SLC9A3: variants seen among roughly 807,000 people sequenced by gnomAD.
SLC9A3 encodes solute carrier family 9 member A3.
SLC9A3 carries 37 observed loss-of-function variants against 86.8 expected under a neutral mutation model. That is an observed-to-expected ratio of 0.43 (90% CI 0.33 to 0.56). The LOEUF is 0.56. Ranked by LOEUF, SLC9A3 falls within the 20% of genes least tolerant of loss-of-function variation. The pLI, the probability that SLC9A3 is intolerant of heterozygous loss-of-function variation, is 0.06. For missense variants in SLC9A3, 1,011 were observed against 1,171.9 expected (o/e 0.86, Z 2.00); for synonymous variants, 581 against 528.3 (o/e 1.10, Z -1.37).
intron 6 of SLC9A3, 41 bp downstream of exon 6, chr5:483,221 C>G (rs1224594943): frequency 4.9e-6 from 7 of 1,434,716 alleles, no homozygotes; most frequent in Non-Finnish European, 6.7e-6. Flanking sequence ...ACGGTGCCGG[C>G]CCATCGGTGG....
At position 471,431 on chromosome 5, in the gene SLC9A3, G is replaced by A; in HGVS notation, c.*1948C>T. ...GCTCTGTTCTCCCAGGCACAGACAGGCACTTGGAAGGCAGCTTTGCTCCTC... is the reference window on the plus strand; with the variant it reads ...GCTCTGTTCTCCCAGGCACAGACAGACACTTGGAAGGCAGCTTTGCTCCTC... On this transcript the variant is annotated 3_prime_UTR_variant, in exon 17 of 17. Coordinates refer to ENST00000264938, the MANE Select transcript of SLC9A3 (RefSeq NM_004174.4). 3.1e-6 allele frequency: 1 copy of A among 324,350 alleles called. No individual in the cohort carries two copies. Among genetic ancestry groups the A allele is most frequent in the South Asian group, 2.5e-5 (1 of 39,576 alleles). The allele number at this position is 324,350 out of a possible 1,614,324, so 20.1% of individuals were successfully genotyped here. A position where few individuals can be genotyped will look rare whatever the true frequency, so the allele number is the denominator to read the frequency against.
chr5:502,278 G>A (rs541852384), intron 1 of SLC9A3, among the ~76,000 whole-genome samples: 39 of 152,250 alleles, frequency 2.6e-4, no homozygotes, highest in Admixed American at 5.9e-4. Context: ...CAGCCGCTCC[G>A]GCCCCCCACC....
chr5:514,442 G>T (rs1733665612), intron 1 of SLC9A3, among the ~76,000 whole-genome samples: 1 of 152,194 alleles, frequency 6.6e-6, no homozygotes, highest in African/African-American at 2.4e-5. Context: ...CCCCTTCCTG[G>T]GGCCCACCCT....
chr5:494,595 T>C (rs1417723925), intron 1 of SLC9A3, among the ~76,000 whole-genome samples: 1 of 152,058 alleles, frequency 6.6e-6, no homozygotes, highest in Non-Finnish European at 1.5e-5. Context: ...CAGAGAGAAG[T>C]GGAGTTTACC....
intron 1 of SLC9A3, among the ~76,000 whole-genome samples, chr5:509,522 G>A (rs1453916356): frequency 6.6e-6 from 1 of 151,220 alleles, no homozygotes; most frequent in East Asian, 2.0e-4. Flanking sequence ...GAGGGAGGGA[G>A]GAAGGAAGGG....
intron 9 of SLC9A3, among the ~76,000 whole-genome samples, chr5:481,362 G>T (rs1392732951): frequency 6.6e-6 from 1 of 152,144 alleles, no homozygotes; most frequent in Non-Finnish European, 1.5e-5. Context: ...TCACTCGGTG[G>T]CCCCAACTGC....
rs1326742618 is a variant in SLC9A3 at position 489,342 on chromosome 5, G to A, written c.515-866C>T. On this transcript the variant is annotated intron_variant, in intron 2 of 16. Transcript: ENST00000264938. The stretch of plus-strand genomic sequence containing the variant: ...ACCCAGGGAGGGGGAGGCCCCCGAC[G>A]AGTCCCCCCGCACAGCTGCTGCCTC... Among the ~76,000 whole-genome samples, 3 of 152,172 alleles carry A rather than the reference G, an allele frequency of 2.0e-5. 1 individual carries two copies. Among genetic ancestry groups the A allele is most frequent in the Admixed American group, 2.0e-4 (3 of 15,286 alleles).
intron 7 of SLC9A3, 152 bp downstream of exon 7, chr5:482,396 G>A: frequency 2.8e-6 from 2 of 713,104 alleles, no homozygotes; most frequent in Non-Finnish European, 2.4e-6. Flanking sequence ...CCCCAGTGGG[G>A]CCACGTGAAA....
intron 9 of SLC9A3, among the ~76,000 whole-genome samples, chr5:481,287 T>C (rs569356317): frequency 6.6e-6 from 1 of 152,370 alleles, no homozygotes; most frequent in African/African-American, 2.4e-5. Context: ...TTGGAATTAA[T>C]TGGGCCACAT....
intron 1 of SLC9A3, among the ~76,000 whole-genome samples, 194 bp downstream of exon 1, chr5:523,918 C>G (rs1425354533): frequency 6.6e-6 from 1 of 152,130 alleles, no homozygotes; most frequent in Non-Finnish European, 1.5e-5. Flanking sequence ...GGGGAGACCT[C>G]GGGACCCGCA....
intron 1 of SLC9A3, among the ~76,000 whole-genome samples, chr5:523,175 A>G (rs1733935141): frequency 6.6e-6 from 1 of 152,134 alleles, no homozygotes. Flanking sequence ...CTGAAGGAAA[A>G]GGCGCCTTCT....
intron 1 of SLC9A3, among the ~76,000 whole-genome samples, chr5:507,254 C>CA (rs1484500813): frequency 1.8e-4 from 20 of 112,342 alleles, no homozygotes; most frequent in East Asian, 2.7e-4. Flanking sequence ...CTGCAAGCTC[C>CA]GCTCCCGGGT....
intron 1 of SLC9A3, among the ~76,000 whole-genome samples, chr5:511,584 C>T (rs568375781): frequency 2.6e-5 from 4 of 152,332 alleles, no homozygotes; most frequent in South Asian, 4.1e-4. Context: ...TTAAAACACA[C>T]GGAGACACCA....
In SLC9A3 at chr5:471,377, C is replaced by T. The variant is rs1265692948; in HGVS notation, c.*2002G>A. On this transcript the variant is annotated 3_prime_UTR_variant, in exon 17 of 17. Transcript: ENST00000264938. ...TTGTTCAGCGCCTGGAATCGCCATGCATTGCGCGGTGGACCGCACGACGCT... is the reference window on the plus strand; with the variant it reads ...TTGTTCAGCGCCTGGAATCGCCATGTATTGCGCGGTGGACCGCACGACGCT... 1.2e-5 allele frequency: 3 copies of T among 251,466 alleles called. No homozygotes were observed. In the Admixed American group the frequency reaches 1.5e-4, roughly 13 times the overall value. 15.6% of individuals were successfully genotyped at this position (251,466 alleles called of 1,614,324 possible).
intron 11 of SLC9A3, among the ~76,000 whole-genome samples, 192 bp from the exon 12 acceptor site, chr5:476,864 G>T (rs1325794219): frequency 1.3e-5 from 2 of 152,248 alleles, no homozygotes; most frequent in African/African-American, 4.8e-5. Context: ...CGGGGCTTAG[G>T]CTGACTCCCC....
rs760008298 is a variant in SLC9A3 at position 524,122 on chromosome 5, C to A, written c.201G>T (p.Leu67Phe). Reference protein sequence around the residue: ...VIALWILVASLAKIGFHLSHK... With the variant: ...VIALWILVASFAKIGFHLSHK... The stretch of plus-strand genomic sequence containing the variant: ...CCCGGGGCCACTTACCGATCTTGGC[C>A]AAGCTGGCCACGAGGATCCAGAGCG... The change falls in exon 1 of 17, where the codon TTG (leucine) becomes TTT (phenylalanine). Residue 67 changes from leucine (L) to phenylalanine (F), a missense_variant. Transcript: ENST00000264938. 2.0e-5 allele frequency: 30 copies of A among 1,516,258 alleles called. No homozygotes were observed. In the East Asian group the frequency reaches 8.1e-4, roughly 41 times the overall value. The allele number at this position is 1,516,258 out of a possible 1,614,324, so 93.9% of individuals were successfully genotyped here. A position where few individuals can be genotyped will look rare whatever the true frequency, so the allele number is the denominator to read the frequency against.
chr5:518,445 C>T lies in SLC9A3; in HGVS notation c.211+5667G>A, dbSNP rs141757261. ...AGACCTGGCACCCTGAGACCTGGTA[C>T]CCCAACACCTGGTACCCAGAAACCT... On this transcript the variant is annotated intron_variant, in intron 1 of 16. Coordinates refer to ENST00000264938, the MANE Select transcript of SLC9A3 (RefSeq NM_004174.4). Among the ~76,000 whole-genome samples the T allele has an allele frequency of 4.9e-4, 74 of 152,168 alleles. 1 individual carries two copies. In the East Asian group the frequency reaches 0.014, roughly 29 times the overall value.
intron 1 of SLC9A3, among the ~76,000 whole-genome samples, chr5:519,244 G>A (rs1733816638): frequency 6.6e-6 from 1 of 152,134 alleles, no homozygotes; most frequent in South Asian, 2.1e-4. Context: ...GGGAGGACTG[G>A]GTCCCCTGGG....
At chr5:507,121 T>G (rs1481753975) in intron 1 of SLC9A3, among the ~76,000 whole-genome samples, 2 of 122,202 alleles carry the variant, frequency 1.6e-5, no homozygotes, top group East Asian at 4.8e-4. Flanking sequence ...AATAAATAAA[T>G]AAAGTTATTG....
Sources: gnomAD v4.1 joint callset for allele counts (sites outside exome capture counted in the v4.1 genomes callset) on GRCh38, gnomAD v4.1.1 for gene constraint, MANE v1.5 for transcripts, NCBI Gene and HGNC (gene_info 2026-07-23, HGNC 2026-07-21) for gene names.